SEPTIN9: variants seen among roughly 807,000 people sequenced by gnomAD.
SEPTIN9 encodes the protein septin-9.
SEPTIN9 carries 13 observed loss-of-function variants against 56.6 expected under a neutral mutation model. The observed-to-expected ratio is 0.23, with a 90% CI of 0.15 to 0.37. The LOEUF is 0.37. SEPTIN9 is among the 10% of genes least tolerant of loss of function. The pLI, the probability that SEPTIN9 is intolerant of heterozygous loss-of-function variation, is 1.00. For missense variants in SEPTIN9, 650 were observed against 823.1 expected, an observed-to-expected ratio of 0.79 and a Z score of 2.57; for synonymous variants, 332 against 334.1, an observed-to-expected ratio of 0.99 and a Z score of 0.07.
At chr17:77,341,249 C>T (rs997751452) in intron 2 of SEPTIN9, among the ~76,000 whole-genome samples, 5 of 152,104 alleles carry the variant, frequency 3.3e-5, no homozygotes, top group African/African-American at 1.2e-4. Flanking sequence ...AAGTGAGAGA[C>T]GGGTGACTCT....
At chr17:77,406,148 A>G (rs954020683) in intron 3 of SEPTIN9, among the ~76,000 whole-genome samples, 3 of 152,100 alleles carry the variant, frequency 2.0e-5, no homozygotes, top group African/African-American at 7.2e-5. Context: ...CACTGCTGAG[A>G]TCTCTTCCCG....
intron 2 of SEPTIN9, among the ~76,000 whole-genome samples, chr17:77,354,346 C>T (rs994517469): frequency 6.6e-6 from 1 of 152,198 alleles, no homozygotes; most frequent in Non-Finnish European, 1.5e-5. Flanking sequence ...ATGCGGCAGG[C>T]GCTAGTTTCC....
At chr17:77,386,824 G>A (rs2035352974) in intron 2 of SEPTIN9, among the ~76,000 whole-genome samples, 1 of 152,240 alleles carries the variant, frequency 6.6e-6, no homozygotes, top group South Asian at 2.1e-4. Context: ...CCCTCTGGCT[G>A]TGCTGGGGGC....
At chr17:77,465,652 C>T (rs535418122) in intron 3 of SEPTIN9, among the ~76,000 whole-genome samples, 22 of 152,214 alleles carry the variant, frequency 1.4e-4, no homozygotes, top group Admixed American at 3.9e-4. Flanking sequence ...AGAGTGACCC[C>T]GGGGGCCTGC....
At chr17:77,305,441 G>A (rs188838456) in intron 1 of SEPTIN9, among the ~76,000 whole-genome samples, 10 of 152,104 alleles carry the variant, frequency 6.6e-5, no homozygotes, top group Non-Finnish European at 1.3e-4. Flanking sequence ...CCTGCTCAGC[G>A]TCCTCCGGTC....
chr17:77,354,011 C>G (rs569275247), intron 2 of SEPTIN9, among the ~76,000 whole-genome samples: 2 of 152,160 alleles, frequency 1.3e-5, no homozygotes, highest in Non-Finnish European at 1.5e-5. Context: ...GAACAAGGCT[C>G]CAGCCTCGGC....
chr17:77,348,881 AAAAGTAAAACAG>A (rs1361616026), intron 2 of SEPTIN9, among the ~76,000 whole-genome samples: 1 of 152,222 alleles, frequency 6.6e-6, no homozygotes, highest in East Asian at 1.9e-4. Context: ...TAAAGAAATT[AAAAGTAAAACAG>A]AATCTTTTCT....
At chr17:77,314,852 A>T (rs1177751339) in intron 2 of SEPTIN9, among the ~76,000 whole-genome samples, 1 of 152,146 alleles carries the variant, frequency 6.6e-6, no homozygotes, top group Non-Finnish European at 1.5e-5. Context: ...AATGCCTGGT[A>T]TGTGTCCCCT....
chr17:77,405,006 T>C lies in SEPTIN9; in HGVS notation c.721+2303T>C, dbSNP rs2036016739. On this transcript the variant is annotated intron_variant, in intron 3 of 11. Transcript: ENST00000427177. The surrounding 1 kb of genome is among the most constrained non-coding windows in gnomAD (Gnocchi z 5.8). ...GTTTGACGTGCCGGATACACCCCCA[T>C]CCTGGGTTGATGTGTTCACACTCAG... 5.0e-6 allele frequency: 7 copies of C among 1,387,442 alleles called. No individual in the cohort carries two copies. Among genetic ancestry groups the C allele is most frequent in the Non-Finnish European group, 5.9e-6 (6 of 1,024,006 alleles). The allele number at this position is 1,387,442 out of a possible 1,614,324, so 85.9% of individuals were successfully genotyped here.
At chr17:77,286,733 T>C (rs1369123303) in intron 1 of SEPTIN9, among the ~76,000 whole-genome samples, 1 of 152,210 alleles carries the variant, frequency 6.6e-6, no homozygotes, top group Non-Finnish European at 1.5e-5. Context: ...GCGTGGGCTC[T>C]GAAGTTTGCC....
At chr17:77,344,929 G>GCCA (rs1471313812) in intron 2 of SEPTIN9, among the ~76,000 whole-genome samples, 1 of 129,040 alleles carries the variant, frequency 7.7e-6, no homozygotes, top group Non-Finnish European at 1.5e-5. Flanking sequence ...CCGAGACCAT[G>GCCA]CCACTGCACT....
intron 3 of SEPTIN9, among the ~76,000 whole-genome samples, chr17:77,419,490 A>T (rs1166586975): frequency 6.6e-6 from 1 of 150,526 alleles, no homozygotes; most frequent in South Asian, 2.1e-4. Context: ...AGCAGCAGCC[A>T]CCTCAGGGGA....
intron 1 of SEPTIN9, among the ~76,000 whole-genome samples, chr17:77,287,296 G>T (rs1162117925): frequency 6.6e-6 from 1 of 152,208 alleles, no homozygotes; most frequent in African/African-American, 2.4e-5. Context: ...CCCCGTGGCC[G>T]ATGGGCTGGT....
At chr17:77,441,837 C>G (rs2037558511) in intron 3 of SEPTIN9, among the ~76,000 whole-genome samples, 1 of 152,232 alleles carries the variant, frequency 6.6e-6, no homozygotes, top group South Asian at 2.1e-4. Context: ...GAACATCCTG[C>G]AGGCAGTCTG....
At chr17:77,324,115 C>T (rs913249418) in intron 2 of SEPTIN9, among the ~76,000 whole-genome samples, 2 of 152,204 alleles carry the variant, frequency 1.3e-5, no homozygotes, top group Non-Finnish European at 2.9e-5. Context: ...CCTCTGCCTC[C>T]GTTGTCACGG....
intron 1 of SEPTIN9, among the ~76,000 whole-genome samples, chr17:77,300,684 A>ACACCCCCACCCCAGGCTCAAAC (rs2031997247): frequency 6.7e-6 from 1 of 148,238 alleles, no homozygotes; most frequent in Non-Finnish European, 1.5e-5. Flanking sequence ...TGCATCCTGG[A>ACACCCCCACCCCAGGCTCAAAC]CGCCCCCACC....
rs2039852135 is a variant in SEPTIN9, at chr17:77,487,630, C to T, written c.1042+78C>T. On this transcript the variant is annotated intron_variant, in intron 5 of 11. Transcript: ENST00000427177. The surrounding 1 kb of genome is among the most constrained non-coding windows in gnomAD (Gnocchi z 4.3). ...CACAGGGGTTGGGGGTCAAGACCAT[C>T]ACACACAGTCAGTGGCCAGGGGCGG... 3 of 1,169,324 alleles carry T rather than the reference C, an allele frequency of 2.6e-6. No individual in the cohort carries two copies. Among genetic ancestry groups the T allele is most frequent in the Non-Finnish European group, 3.5e-6 (3 of 849,190 alleles). The allele number at this position is 1,169,324 out of a possible 1,614,324, so 72.4% of individuals were successfully genotyped here.
chr17:77,429,037 C>A lies in SEPTIN9; in HGVS notation c.721+26334C>A. On this transcript the variant is annotated intron_variant, in intron 3 of 11. Transcript: ENST00000427177. The surrounding 1 kb of genome is among the most constrained non-coding windows in gnomAD (Gnocchi z 5.2). ...GGTGAGAATGGGAGCATCTCAGCAG[C>A]CCTCCGCCCCCTGCTCCTGGTTGCA... The A allele has an allele frequency of 2.1e-6, 1 of 471,490 alleles. No individual in the cohort carries two copies. Among genetic ancestry groups the A allele is most frequent in the Non-Finnish European group, 4.4e-6 (1 of 227,126 alleles). The allele number at this position is 471,490 out of a possible 1,614,324, so 29.2% of individuals were successfully genotyped here.
In SEPTIN9 at chr17:77,449,732, T is replaced by A. The variant is rs2037893658; in HGVS notation, c.722-32412T>A. ...GTGATGAGGGTGCCCTGGGCTGGGC[T>A]GCAGACAGTGGAAAAGACAGGCTCT... On this transcript the variant is annotated intron_variant, in intron 3 of 11. Transcript: ENST00000427177. This position sits in a 1 kb window ranked among gnomAD's most constrained non-coding sequence, Gnocchi z 4.6. Among the ~76,000 whole-genome samples, 1 of 151,978 alleles carries A rather than the reference T, an allele frequency of 6.6e-6. No homozygotes were observed. The highest frequency in any genetic ancestry group is 1.5e-5 in the Non-Finnish European group (1 of 67,950).
Sources: gnomAD v4.1 joint callset for allele counts (sites outside exome capture counted in the v4.1 genomes callset) on GRCh38, gnomAD v4.1.1 for gene constraint, Gnocchi (gnomAD v3.1) non-coding constraint, MANE v1.5 for transcripts, NCBI Gene and HGNC (gene_info 2026-07-23, HGNC 2026-07-21) for gene names.